The following CLCN5 variants were observed in gnomAD, a reference collection of about 807,000 sequenced individuals.
CLCN5 encodes H(+)/Cl(-) exchange transporter 5.
Under a neutral mutation model 54.0 loss-of-function variants are expected in CLCN5, and 17 were observed. The ratio of observed to expected loss-of-function variants is 0.31; its 90% CI spans 0.22 to 0.47. The LOEUF (loss-of-function observed/expected upper bound fraction) is 0.47. Among genes scored for constraint, CLCN5 ranks in the 20% least tolerant of loss-of-function variants. The probability of loss-of-function intolerance (pLI) is 1.00; values close to 1 mark genes in which losing one functional copy is unlikely to be tolerated. For synonymous variants in CLCN5, 222 were observed against 233.0 expected, an observed-to-expected ratio of 0.95 and a Z score of 0.43; for missense variants, 448 against 646.7, an observed-to-expected ratio of 0.69 and a Z score of 3.33.
At chrX:49,963,426 C>T (rs1246255174) in intron 3 of CLCN5, among the ~76,000 whole-genome samples, 1 of 111,549 alleles carries the variant, frequency 9.0e-6, no homozygotes, top group East Asian at 2.8e-4. Flanking sequence ...TGAAAAACCC[C>T]AATCCATATG....
intron 3 of CLCN5, among the ~76,000 whole-genome samples, chrX:49,938,142 G>GGAGATA (rs1926103359): frequency 9.0e-6 from 1 of 111,375 alleles, no homozygotes; most frequent in African/African-American, 3.3e-5. Context: ...GTTTTAGCCA[G>GGAGATA]GAGATAGGTG....
chrX:49,949,635 G>A (rs939740128), intron 3 of CLCN5, among the ~76,000 whole-genome samples: 19 of 111,349 alleles, frequency 1.7e-4, no homozygotes, highest in African/African-American at 5.2e-4. Flanking sequence ...TTTAAAGAGC[G>A]ACAGACAAAA....
chrX:49,981,467 A>G (rs1264519676), intron 3 of CLCN5, among the ~76,000 whole-genome samples: 1 of 111,546 alleles, frequency 9.0e-6, no homozygotes, highest in Non-Finnish European at 1.9e-5. Context: ...ACAAAACTAC[A>G]TGTTGAAATT....
intron 3 of CLCN5, chrX:50,009,690 T>G: frequency 2.6e-6 from 1 of 386,022 alleles, no homozygotes; most frequent in South Asian, 2.4e-5. Flanking sequence ...GAGATATACA[T>G]GCAGGGTGCA....
At chrX:49,936,078 A>G (rs1431321115) in intron 3 of CLCN5, among the ~76,000 whole-genome samples, 1 of 111,566 alleles carries the variant, frequency 9.0e-6, no homozygotes, top group Non-Finnish European at 1.9e-5. Flanking sequence ...TGGAGATTAA[A>G]TGAGATAAAG....
chrX:50,048,167 T>C (rs990016429), intron 4 of CLCN5, among the ~76,000 whole-genome samples: 3 of 112,099 alleles, frequency 2.7e-5, no homozygotes, highest in African/African-American at 6.5e-5. Context: ...TAGATTCTCA[T>C]AAGGAGTGCA....
chrX:49,928,911 C>T (rs1431921741), intron 3 of CLCN5, among the ~76,000 whole-genome samples: 2 of 111,781 alleles, frequency 1.8e-5, no homozygotes, highest in Non-Finnish European at 3.8e-5. Context: ...GGCGACAGAG[C>T]CAGACTCCAT....
chrX:50,071,532 G>A (rs1457839193), intron 5 of CLCN5, among the ~76,000 whole-genome samples: 3 of 111,721 alleles, frequency 2.7e-5, no homozygotes, highest in African/African-American at 9.8e-5. Flanking sequence ...GGCAAATTAT[G>A]CCAATTAGTA....
chrX:50,008,635 A>G (rs181739056), intron 3 of CLCN5: 74 of 269,992 alleles, frequency 2.7e-4, no homozygotes, highest in Non-Finnish European at 5.2e-4. Context: ...GTTGCTAACA[A>G]GACATGCTTG....
At position 50,097,191 on chromosome X, in the gene CLCN5, G is replaced by T. The variant is rs1334347931; in HGVS notation, c.*4972G>T. 1 of 111,263 alleles carries T rather than the reference G, an allele frequency of 9.0e-6. No individual in the cohort carries two copies. Among genetic ancestry groups the T allele is most frequent in the Non-Finnish European group, 1.9e-5 (1 of 52,606 alleles). The allele number at this position is 111,263 out of a possible 1,213,427, so 9.2% of individuals were successfully genotyped here. On this transcript the variant is annotated 3_prime_UTR_variant, in exon 15 of 15. Coordinates refer to ENST00000376091, the MANE Select transcript of CLCN5 (RefSeq NM_001127898.4). ...TGCTTGCTCCAAGGAGAGAATTTCT[G>T]AGAACAATGGGTGTTAGCAACTTTA...
chrX:49,973,135 T>C (rs1282590064), intron 3 of CLCN5, among the ~76,000 whole-genome samples: 1 of 111,341 alleles, frequency 9.0e-6, no homozygotes, highest in Non-Finnish European at 1.9e-5. Context: ...CAAACCTGGC[T>C]CTGATTGTCC....
intron 3 of CLCN5, among the ~76,000 whole-genome samples, chrX:50,017,253 C>T (rs1056604210): frequency 1.8e-5 from 2 of 111,755 alleles, no homozygotes; most frequent in African/African-American, 3.2e-5. Flanking sequence ...CAGCAGTGAA[C>T]GAGAGTTCCT....
At chrX:49,963,832 T>G (rs782143419) in intron 3 of CLCN5, among the ~76,000 whole-genome samples, 6 of 112,228 alleles carry the variant, frequency 5.3e-5, no homozygotes, top group Non-Finnish European at 9.4e-5. Context: ...GCATCATCAT[T>G]TTGACAGAAA....
chrX:49,979,824 T>C (rs1602007505), intron 3 of CLCN5, among the ~76,000 whole-genome samples: 1 of 111,053 alleles, frequency 9.0e-6, no homozygotes, highest in African/African-American at 3.3e-5. Context: ...ACTTCACATA[T>C]GCTTTTTTGT....
chrX:50,059,384 G>A (rs2147512151), intron 4 of CLCN5, among the ~76,000 whole-genome samples: 1 of 111,843 alleles, frequency 8.9e-6, no homozygotes, highest in Non-Finnish European at 1.9e-5. Flanking sequence ...TATTGCTGTA[G>A]GGGCCACTGG....
intron 3 of CLCN5, among the ~76,000 whole-genome samples, chrX:49,938,973 C>T (rs7061003): frequency 0.013 from 1,354 of 102,771 alleles, 6 homozygotes; most frequent in African/African-American, 0.046. Flanking sequence ...AAAAAGTGAC[C>T]GAAGGATATG....
chrX:49,976,677 C>A (rs1928499237), intron 3 of CLCN5, among the ~76,000 whole-genome samples: 1 of 112,187 alleles, frequency 8.9e-6, no homozygotes, highest in Non-Finnish European at 1.9e-5. Flanking sequence ...AACAGCAGCT[C>A]TCATTATTTT....
Position 50,096,633 on chromosome X carries a change from A to T in CLCN5, c.*4414A>T, listed in dbSNP as rs1275095178. 8.9e-6 allele frequency: 1 copy of T among 112,800 alleles called. No individual in the cohort carries two copies. The highest frequency in any genetic ancestry group is 9.5e-5 in the Admixed American group (1 of 10,546). The allele number at this position is 112,800 out of a possible 1,213,427, so 9.3% of individuals were successfully genotyped here. A position where few individuals can be genotyped will look rare whatever the true frequency, so the allele number is the denominator to read the frequency against. On this transcript the variant is annotated 3_prime_UTR_variant, in exon 15 of 15. Coordinates refer to ENST00000376091, the MANE Select transcript of CLCN5 (RefSeq NM_001127898.4). ...CACCCAGCCAAACCTTGATTTTTTT[A>T]GCCACCTCTGGGATTGCCTGGGTTC...
chrX:50,092,104 T>G (rs782777433), intron 14 of CLCN5, 25 bp from the exon 15 acceptor site: 1 of 1,127,219 alleles, frequency 8.9e-7, no homozygotes. Context: ...TATTTTTGTT[T>G]TTTTGTATTG....
Sources: allele counts gnomAD v4.1 joint callset (sites outside exome capture counted in the v4.1 genomes callset), GRCh38; gene constraint gnomAD v4.1.1; transcripts MANE v1.5; gene names NCBI Gene and HGNC (gene_info 2026-07-23, HGNC 2026-07-21).